The following NKAIN2 variants were observed in gnomAD, a reference collection of about 807,000 sequenced individuals.
NKAIN2 encodes the protein sodium/potassium-transporting ATPase subunit beta-1-interacting protein 2.
NKAIN2 carries 14 observed loss-of-function variants against 32.6 expected under a neutral mutation model. The observed-to-expected ratio is 0.43, with a 90% CI of 0.28 to 0.67. The LOEUF is 0.67. Ranked by LOEUF, NKAIN2 falls within the 30% of genes least tolerant of loss-of-function variation. The pLI is 0.17. For synonymous variants in NKAIN2, 80 were observed against 87.2 expected (o/e 0.92, Z 0.46); for missense variants, 198 against 258.3 (o/e 0.77, Z 1.60).
intron 3 of NKAIN2, among the ~76,000 whole-genome samples, chr6:124,620,417 A>G (rs1485346910): frequency 6.6e-6 from 1 of 152,222 alleles, no homozygotes; most frequent in South Asian, 2.1e-4. Context: ...TGAAGCTCAC[A>G]CGATGAACAC....
At chr6:123,873,404 C>G (rs1294686221) in intron 1 of NKAIN2, among the ~76,000 whole-genome samples, 1 of 152,022 alleles carries the variant, frequency 6.6e-6, no homozygotes, top group Non-Finnish European at 1.5e-5. Context: ...TATTCAGGGC[C>G]AAATAATGAA....
At chr6:124,286,825 G>C (rs1054080337) in intron 2 of NKAIN2, among the ~76,000 whole-genome samples, 7 of 152,030 alleles carry the variant, frequency 4.6e-5, no homozygotes, top group African/African-American at 1.7e-4. Flanking sequence ...GGGACTACAG[G>C]CGTGTGCCAT....
intron 3 of NKAIN2, among the ~76,000 whole-genome samples, chr6:124,586,522 C>T (rs1198572831): frequency 1.3e-5 from 2 of 151,734 alleles, no homozygotes; most frequent in South Asian, 2.1e-4. Flanking sequence ...CAAAATAATC[C>T]GCACACCAAA....
chr6:123,975,972 C>T (rs148525915), intron 1 of NKAIN2, among the ~76,000 whole-genome samples: 190 of 151,618 alleles, frequency 1.3e-3, no homozygotes, highest in African/African-American at 4.0e-3. Flanking sequence ...ATCATGGGGG[C>T]GGGTCTTTTC....
At chr6:124,356,624 C>T (rs1053904876) in intron 3 of NKAIN2, among the ~76,000 whole-genome samples, 2 of 152,070 alleles carry the variant, frequency 1.3e-5, no homozygotes, top group African/African-American at 4.8e-5. Flanking sequence ...GCAGCCTTTT[C>T]AGGAAGGTGC....
intron 3 of NKAIN2, among the ~76,000 whole-genome samples, chr6:124,361,091 A>G (rs919941558): frequency 1.3e-5 from 2 of 152,178 alleles, no homozygotes; most frequent in East Asian, 1.9e-4. Flanking sequence ...GAGATATGCT[A>G]TTTGTTCTGA....
At chr6:124,527,019 A>T (rs1040806216) in intron 3 of NKAIN2, among the ~76,000 whole-genome samples, 3 of 152,168 alleles carry the variant, frequency 2.0e-5, no homozygotes, top group African/African-American at 7.2e-5. Context: ...CTTAACTACT[A>T]TGTTACCTAG....
At chr6:123,867,832 C>T (rs1772619714) in intron 1 of NKAIN2, among the ~76,000 whole-genome samples, 1 of 150,686 alleles carries the variant, frequency 6.6e-6, no homozygotes, top group East Asian at 1.9e-4. Flanking sequence ...ATTTGAGCAT[C>T]AGTCAATTAT....
At chr6:124,171,863 T>G (rs929341255) in intron 1 of NKAIN2, among the ~76,000 whole-genome samples, 16 of 150,462 alleles carry the variant, frequency 1.1e-4, no homozygotes, top group South Asian at 2.1e-4. Context: ...TTTTTTTTTT[T>G]TGAGAGAGAG....
At chr6:123,815,660 AT>A (rs1773662643) in intron 1 of NKAIN2, among the ~76,000 whole-genome samples, 2 of 151,838 alleles carry the variant, frequency 1.3e-5, no homozygotes, top group East Asian at 1.9e-4. Flanking sequence ...TAAATTCTTA[AT>A]TTTTTTTGTC....
chr6:124,103,960 G>A (rs1484530639), intron 1 of NKAIN2, among the ~76,000 whole-genome samples: 2 of 152,094 alleles, frequency 1.3e-5, no homozygotes, highest in Admixed American at 6.5e-5. Context: ...GGTGGCAGGA[G>A]CCTATAGTCC....
chr6:123,820,061 G>A lies in NKAIN2; in HGVS notation c.54+15807G>A, dbSNP rs138519394. On this transcript the variant is annotated intron_variant, in intron 1 of 6. Transcript: ENST00000368417. ...TCACATTTAAGTCCTTAATAGCCTC[G>A]AATTTAGTTATCATCAGCGTCCTTG... Among the ~76,000 whole-genome samples, 647 of 152,248 alleles carry A rather than the reference G, an allele frequency of 4.2e-3. 1 individual carries two copies. Among genetic ancestry groups the A allele is most frequent in the African/African-American group, 0.015 (607 of 41,552 alleles).
intron 2 of NKAIN2, among the ~76,000 whole-genome samples, chr6:124,284,449 T>TA (rs1243665102): frequency 6.6e-6 from 1 of 152,132 alleles, no homozygotes; most frequent in Non-Finnish European, 1.5e-5. Flanking sequence ...CATTAACTCA[T>TA]AATGATTTAA....
intron 5 of NKAIN2, among the ~76,000 whole-genome samples, chr6:124,801,045 G>A (rs958871218): frequency 1.3e-5 from 2 of 152,118 alleles, no homozygotes; most frequent in Non-Finnish European, 2.9e-5. Context: ...TGAATTAAAC[G>A]GAACAGGGGA....
chr6:124,703,326 C>T (rs1289981300), intron 4 of NKAIN2, among the ~76,000 whole-genome samples: 1 of 151,824 alleles, frequency 6.6e-6, no homozygotes. Flanking sequence ...TCTTCCAGAC[C>T]TTAGAGAATC....
At chr6:124,809,116 G>T (rs1382707751) in intron 5 of NKAIN2, among the ~76,000 whole-genome samples, 1 of 152,124 alleles carries the variant, frequency 6.6e-6, no homozygotes, top group Non-Finnish European at 1.5e-5. Context: ...TTTCTTCACA[G>T]AATTGGAAAA....
chr6:124,128,246 A>G (rs1271885218), intron 1 of NKAIN2, among the ~76,000 whole-genome samples: 2 of 152,220 alleles, frequency 1.3e-5, no homozygotes, highest in Non-Finnish European at 2.9e-5. Flanking sequence ...TAGAAATCTC[A>G]TACCTGCATT....
At chr6:124,375,429 A>G (rs1583151062) in intron 3 of NKAIN2, among the ~76,000 whole-genome samples, 1 of 147,662 alleles carries the variant, frequency 6.8e-6, no homozygotes, top group East Asian at 2.0e-4. Flanking sequence ...TAAATTACAT[A>G]TATATATAAA....
chr6:124,238,890 C>T (rs1204130770), intron 1 of NKAIN2, among the ~76,000 whole-genome samples: 1 of 152,156 alleles, frequency 6.6e-6, no homozygotes, highest in African/African-American at 2.4e-5. Flanking sequence ...AAATAACCAG[C>T]TAGCATCATA....
Sources: gnomAD v4.1 joint callset for allele counts (sites outside exome capture counted in the v4.1 genomes callset) on GRCh38, gnomAD v4.1.1 for gene constraint, MANE v1.5 for transcripts, NCBI Gene and HGNC (gene_info 2026-07-23, HGNC 2026-07-21) for gene names.